Variants in PLCB1 observed in about 807,000 individuals in gnomAD.
PLCB1 encodes phospholipase C beta 1, also known as 1-phosphatidylinositol 4,5-bisphosphate phosphodiesterase beta-1.
In PLCB1, 46 loss-of-function variants were observed where a neutral mutation model predicts 161.8. The ratio of observed to expected loss-of-function variants is 0.28; its 90% CI spans 0.22 to 0.36. The LOEUF (loss-of-function observed/expected upper bound fraction) is 0.36. PLCB1 is among the 10% of genes least tolerant of loss of function. The pLI is 1.00. For missense variants in PLCB1, 1,016 were observed against 1,472.5 expected (o/e 0.69, Z 5.07); for synonymous variants, 517 against 503.7 (o/e 1.03, Z -0.35).
At position 8,568,925 on chromosome 20, in the gene PLCB1, T is replaced by C. The variant is rs542038661; in HGVS notation, c.247-59369T>C. ...TGGTGTGAGTTAACAAGCAGGTTAC[T>C]ATTGTGGACAACTGGAAGCTAATCC... On this transcript the variant is annotated intron_variant, in intron 3 of 31. Coordinates refer to ENST00000338037, the MANE Select transcript of PLCB1 (RefSeq NM_015192.4). 2.2e-4 allele frequency among the ~76,000 whole-genome samples: 33 copies of C among 152,318 alleles called. No individual in the cohort carries two copies. The South Asian group carries it at 6.6e-3, about 31-fold the overall frequency.
chr20:8,661,821 G>A (rs73597538), intron 9 of PLCB1, among the ~76,000 whole-genome samples: 13,892 of 148,946 alleles, frequency 0.093, 761 homozygotes, highest in African/African-American at 0.15. Context: ...GCCAACCTAC[G>A]TTAAGTAATT....
intron 3 of PLCB1, among the ~76,000 whole-genome samples, chr20:8,408,376 G>C (rs1451794589): frequency 6.6e-6 from 1 of 151,496 alleles, no homozygotes; most frequent in African/African-American, 2.4e-5. Flanking sequence ...TCACACCTGT[G>C]AATAGCCACT....
intron 3 of PLCB1, among the ~76,000 whole-genome samples, chr20:8,508,227 A>G (rs1983722482): frequency 6.6e-6 from 1 of 152,004 alleles, no homozygotes; most frequent in Admixed American, 6.6e-5. Context: ...GGGAAAATAA[A>G]CTCCTTCCTG....
chr20:8,186,694 C>T (rs923885660), intron 2 of PLCB1, among the ~76,000 whole-genome samples: 3 of 152,076 alleles, frequency 2.0e-5, no homozygotes, highest in African/African-American at 7.2e-5. Context: ...ATTAAATGTG[C>T]AAAAACCTTA....
At chr20:8,532,735 C>T in intron 3 of PLCB1, among the ~76,000 whole-genome samples, 1 of 151,136 alleles carries the variant, frequency 6.6e-6, no homozygotes, top group Admixed American at 6.6e-5. Context: ...AAGAAATGGG[C>T]CAGTGAGAGG....
At chr20:8,437,442 G>T (rs1336941740) in intron 3 of PLCB1, among the ~76,000 whole-genome samples, 1 of 152,208 alleles carries the variant, frequency 6.6e-6, no homozygotes, top group African/African-American at 2.4e-5. Context: ...ATTTAGAATG[G>T]ATGCATGAAA....
chr20:8,398,918 GT>G (rs374621212), intron 3 of PLCB1, among the ~76,000 whole-genome samples: 5 of 151,440 alleles, frequency 3.3e-5, no homozygotes, highest in Admixed American at 1.3e-4. Context: ...TGCTTTTGGT[GT>G]TTTTTTGTTG....
rs553614501 is a variant in PLCB1 at position 8,695,333 on chromosome 20, G to A, written c.1010-2293G>A. Among the ~76,000 whole-genome samples, 7 of 152,246 alleles carry A rather than the reference G, an allele frequency of 4.6e-5. No individual in the cohort carries two copies. The South Asian group carries it at 8.3e-4, about 18-fold the overall frequency. ...TTTTCTTTGTCCTGTGTGTCTCCAC[G>A]GGGCACATCTTGTCCATGTCAAAGT... On this transcript the variant is annotated intron_variant, in intron 10 of 31. Transcript: ENST00000338037.
At chr20:8,269,402 A>T (rs1982161473) in intron 2 of PLCB1, among the ~76,000 whole-genome samples, 1 of 152,150 alleles carries the variant, frequency 6.6e-6, no homozygotes, top group African/African-American at 2.4e-5. Flanking sequence ...CAAAATGGTA[A>T]TAATAATTAC....
chr20:8,299,770 G>A (rs6140592), intron 2 of PLCB1, among the ~76,000 whole-genome samples: 3,565 of 152,180 alleles, frequency 0.023, 160 homozygotes, highest in East Asian at 0.11. Context: ...CATCTTCTAT[G>A]CAATCTATCA....
intron 25 of PLCB1, among the ~76,000 whole-genome samples, chr20:8,763,521 G>T (rs1982153613): frequency 6.6e-6 from 1 of 152,164 alleles, no homozygotes; most frequent in Non-Finnish European, 1.5e-5. Context: ...GAGCAGCTGG[G>T]ATTATAGGCA....
chr20:8,142,599 A>G (rs1407923406), intron 1 of PLCB1, among the ~76,000 whole-genome samples: 2 of 152,204 alleles, frequency 1.3e-5, no homozygotes, highest in East Asian at 1.9e-4. Flanking sequence ...TCTGAAAAAT[A>G]TGCTCACCCA....
At chr20:8,362,879 A>C (rs1986589999) in intron 2 of PLCB1, among the ~76,000 whole-genome samples, 1 of 152,174 alleles carries the variant, frequency 6.6e-6, no homozygotes, top group East Asian at 1.9e-4. Flanking sequence ...TTTTTAGAAA[A>C]AAGTAAGTTT....
chr20:8,860,977 T>C (rs1223989009), intron 31 of PLCB1, among the ~76,000 whole-genome samples: 1 of 152,224 alleles, frequency 6.6e-6, no homozygotes, highest in Non-Finnish European at 1.5e-5. Flanking sequence ...GCAATTTTAT[T>C]CTGTTGGACA....
intron 1 of PLCB1, among the ~76,000 whole-genome samples, chr20:8,143,118 T>C (rs2051420519): frequency 6.6e-6 from 1 of 152,162 alleles, no homozygotes; most frequent in Non-Finnish European, 1.5e-5. Context: ...AATCCCAACC[T>C]CAAAACCAAC....
chr20:8,387,995 AAAG>A (rs1261578581), intron 3 of PLCB1, among the ~76,000 whole-genome samples: 1 of 151,536 alleles, frequency 6.6e-6, no homozygotes, highest in Non-Finnish European at 1.5e-5. Flanking sequence ...AAAAAAAAAA[AAAG>A]AAGAAACTGA....
rs187357846 is a variant in PLCB1, at chr20:8,278,467, A to G, written c.178-92915A>G. Reference sequence around the variant, plus strand: ...ACATGTAACTGATGAAGAGCTTGCCAAGACATAAATGTAACTTCTAAAACT... The same window carrying G: ...ACATGTAACTGATGAAGAGCTTGCCGAGACATAAATGTAACTTCTAAAACT... On this transcript the variant is annotated intron_variant, in intron 2 of 31. Coordinates refer to ENST00000338037, the MANE Select transcript of PLCB1 (RefSeq NM_015192.4). Among the ~76,000 whole-genome samples, 8 of 151,578 alleles carry G rather than the reference A, an allele frequency of 5.3e-5. No individual in the cohort carries two copies. In the East Asian group the frequency reaches 1.5e-3, roughly 29 times the overall value.
intron 3 of PLCB1, among the ~76,000 whole-genome samples, chr20:8,580,729 G>A (rs750847727): frequency 1.2e-4 from 18 of 152,226 alleles, no homozygotes; most frequent in Non-Finnish European, 2.2e-4. Context: ...ATAGTTTAAT[G>A]AGCACAAATT....
intron 9 of PLCB1, among the ~76,000 whole-genome samples, chr20:8,660,937 T>G (rs192557518): frequency 2.6e-5 from 4 of 152,294 alleles, no homozygotes; most frequent in Non-Finnish European, 5.9e-5. Context: ...TATGCTTAAC[T>G]TCTCTATGCC....
Sources: allele counts gnomAD v4.1 joint callset (sites outside exome capture counted in the v4.1 genomes callset), GRCh38; gene constraint gnomAD v4.1.1; transcripts MANE v1.5; gene names NCBI Gene and HGNC (gene_info 2026-07-23, HGNC 2026-07-21).